MBIP: variants seen among roughly 807,000 people sequenced by gnomAD.
MBIP encodes the protein MAP3K12-binding inhibitory protein 1.
In MBIP, 32 loss-of-function variants were observed where a neutral mutation model predicts 45.7. That is an observed-to-expected ratio of 0.70 (90% CI 0.53 to 0.94). MBIP has a LOEUF of 0.94. Among genes scored for constraint, MBIP ranks in the 40% least tolerant of loss-of-function variants. The pLI is 0.00. For missense variants in MBIP, 381 were observed against 405.5 expected, an observed-to-expected ratio of 0.94 and a Z score of 0.52; for synonymous variants, 145 against 141.0, an observed-to-expected ratio of 1.03 and a Z score of -0.20.
At position 36,316,703 on chromosome 14, in the gene MBIP, A is replaced by G; in HGVS notation, c.239T>C (p.Leu80Ser). The G allele has an allele frequency of 6.2e-7, 1 of 1,603,928 alleles. No individual in the cohort carries two copies. Among genetic ancestry groups the G allele is most frequent in the Non-Finnish European group, 8.5e-7 (1 of 1,176,188 alleles). Residue 80 changes from leucine to serine, a missense_variant, in exon 2 of 9, where the codon TTA becomes TCA. Leu to Ser is a moderately radical substitution (Grantham distance 145). Transcript: ENST00000416007. ...TAACAAGAAATTTACCTGTAAATAT[A>G]AAATGTGTTGTTCAAGTGCACTAAA... ...LLFSALEQHILYLQPFLAKLQ... is the reference protein window; with the variant it reads ...LLFSALEQHISYLQPFLAKLQ...
At chr14:36,314,359 GAAGGAAACTCTACTGTCTT>G in intron 4 of MBIP, 134 bp downstream of exon 4, 1 of 558,308 alleles carries the variant, frequency 1.8e-6, no homozygotes, top group Non-Finnish European at 3.1e-6. Context: ...TTATTAAGCA[GAAGGAAACTCTACTGTCTT>G]AATTACTAAC....
At chr14:36,317,719 C>T (rs1459456138) in intron 1 of MBIP, among the ~76,000 whole-genome samples, 1 of 152,014 alleles carries the variant, frequency 6.6e-6, no homozygotes, top group African/African-American at 2.4e-5. Context: ...TTTCTAGGGA[C>T]ATGTGTTTAC....
At chr14:36,319,043 G>A (rs1237326681) in intron 1 of MBIP, among the ~76,000 whole-genome samples, 1 of 152,094 alleles carries the variant, frequency 6.6e-6, no homozygotes, top group Admixed American at 6.5e-5. Flanking sequence ...GGTGACATAA[G>A]TAAATTGTAA....
At chr14:36,315,363 G>T (rs1880505606) in intron 2 of MBIP, among the ~76,000 whole-genome samples, 1 of 151,992 alleles carries the variant, frequency 6.6e-6, no homozygotes, top group South Asian at 2.1e-4. Context: ...CTCTCACTCA[G>T]CAAAGCCCTG....
At chr14:36,313,205 T>A (rs1470952753) in intron 4 of MBIP, 1 of 151,864 alleles carries the variant, frequency 6.6e-6, no homozygotes, top group African/African-American at 2.4e-5. Flanking sequence ...TCCATTCTCT[T>A]CCTACCATTT....
At chr14:36,304,629 C>A (rs1879766379) in intron 7 of MBIP, among the ~76,000 whole-genome samples, 1 of 152,128 alleles carries the variant, frequency 6.6e-6, no homozygotes, top group South Asian at 2.1e-4. Flanking sequence ...GAATAAAGAT[C>A]TTTAGAACTC....
chr14:36,304,240 TCA>T lies in MBIP; in HGVS notation c.889-3419_889-3418del, dbSNP rs1312683122. Among the ~76,000 whole-genome samples, 14 of 152,264 alleles carry T rather than the reference TCA, an allele frequency of 9.2e-5. No individual in the cohort carries two copies. In the East Asian group the frequency reaches 2.5e-3, roughly 27 times the overall value. On this transcript the variant is annotated intron_variant, in intron 7 of 8. Coordinates refer to ENST00000416007, the MANE Select transcript of MBIP (RefSeq NM_016586.3). The stretch of plus-strand genomic sequence containing the variant: ...TACTGTTACAGACTAAAAATTACTC[TCA>T]GTCAGTGCTTTGAACAAAGTTAACA...
At chr14:36,316,948 A>G (rs902326320) in intron 1 of MBIP, 136 bp from the exon 2 acceptor site, 23 of 811,538 alleles carry the variant, frequency 2.8e-5, no homozygotes, top group Non-Finnish European at 4.1e-5. Flanking sequence ...AATACACTGA[A>G]ATGCTCTACC....
chr14:36,308,906 T>C (rs538111905), intron 6 of MBIP, among the ~76,000 whole-genome samples: 3 of 152,244 alleles, frequency 2.0e-5, no homozygotes, highest in South Asian at 2.1e-4. Flanking sequence ...AAATATAAGT[T>C]AGATCACATC....
chr14:36,301,091 C>T (rs538143157), intron 7 of MBIP: 45 of 244,574 alleles, frequency 1.8e-4, no homozygotes, highest in South Asian at 3.9e-4. Flanking sequence ...ATCAACTACC[C>T]GCTGCTAATG....
At chr14:36,311,925 T>C in intron 5 of MBIP, 34 bp downstream of exon 5, 3 of 1,472,112 alleles carry the variant, frequency 2.0e-6, no homozygotes, top group Non-Finnish European at 2.8e-6. Flanking sequence ...TAGACTTCTG[T>C]CAGTGACTCA....
chr14:36,314,983 T>G, intron 2 of MBIP, 68 bp from the exon 3 acceptor site: 1 of 905,774 alleles, frequency 1.1e-6, no homozygotes, highest in Non-Finnish European at 1.7e-6. Context: ...CTTAATATAT[T>G]TACATAAATT....
chr14:36,310,767 T>G (rs1047389725), intron 6 of MBIP, among the ~76,000 whole-genome samples: 2 of 152,154 alleles, frequency 1.3e-5, no homozygotes, highest in Admixed American at 1.3e-4. Context: ...CAGAAGGGCA[T>G]GAGTATAAAG....
intron 7 of MBIP, among the ~76,000 whole-genome samples, chr14:36,307,212 T>A (rs1156250565): frequency 6.6e-6 from 1 of 152,200 alleles, no homozygotes; most frequent in Non-Finnish European, 1.5e-5. Context: ...ATACTTCTTT[T>A]CTGTAACTCA....
chr14:36,302,814 T>C (rs1879649567), intron 7 of MBIP, among the ~76,000 whole-genome samples: 1 of 152,250 alleles, frequency 6.6e-6, no homozygotes, highest in African/African-American at 2.4e-5. Context: ...GTACAGTTCC[T>C]GACTTATGAT....
At position 36,300,841 on chromosome 14, in the gene MBIP, AG is replaced by A; in HGVS notation, c.889-19del. On this transcript the variant is annotated intron_variant, in intron 7 of 8. Transcript: ENST00000416007. The stretch of plus-strand genomic sequence containing the variant: ...GAAAAGCTCTAGATTAAAAAAAAAA[AG>A]GTAATGTTTAGAAAAATCTAAGCAT... 2.1e-6 allele frequency: 3 copies of A among 1,396,148 alleles called. No homozygotes were observed. The highest frequency in any genetic ancestry group is 1.5e-5 in the African/African-American group (1 of 68,636). The allele number at this position is 1,396,148 out of a possible 1,614,324, so 86.5% of individuals were successfully genotyped here. A position where few individuals can be genotyped will look rare whatever the true frequency, so the allele number is the denominator to read the frequency against.
intron 1 of MBIP, among the ~76,000 whole-genome samples, chr14:36,318,299 CTT>C (rs1458115583): frequency 6.6e-6 from 1 of 151,956 alleles, no homozygotes; most frequent in African/African-American, 2.4e-5. Flanking sequence ...AAAAATAAGT[CTT>C]AATGTTTGGT....
At chr14:36,312,160 C>T (rs997490673) in intron 4 of MBIP, 136 bp from the exon 5 acceptor site, 1 of 473,982 alleles carries the variant, frequency 2.1e-6, no homozygotes. Flanking sequence ...CAATAAATTA[C>T]TATCACACAT....
Position 36,298,601 on chromosome 14 carries a change from CATCTT to C in MBIP, c.*477_*481del, listed in dbSNP as rs1879343128. ...TATTGTTTATTTACATGAATACTGA[CATCTT>C]AAAGATTAAGAAAAACAAGTTCATA... On this transcript the variant is annotated 3_prime_UTR_variant, in exon 9 of 9. Coordinates refer to ENST00000416007, the MANE Select transcript of MBIP (RefSeq NM_016586.3). 1 of 153,842 alleles carries C rather than the reference CATCTT, an allele frequency of 6.5e-6. No homozygotes were observed. The highest frequency in any genetic ancestry group is 2.4e-5 in the African/African-American group (1 of 41,450). 9.5% of individuals were successfully genotyped at this position (153,842 alleles called of 1,614,324 possible).
Sources: gnomAD v4.1 joint callset for allele counts (sites outside exome capture counted in the v4.1 genomes callset) on GRCh38, gnomAD v4.1.1 for gene constraint, MANE v1.5 for transcripts, NCBI Gene and HGNC (gene_info 2026-07-23, HGNC 2026-07-21) for gene names.